Variants in WDFY3 observed in about 807,000 individuals in gnomAD.
WDFY3 encodes the protein WD repeat and FYVE domain-containing protein 3.
A neutral mutation model predicts 409.6 loss-of-function variants in WDFY3; 66 were observed. The observed-to-expected ratio is 0.16, with a 90% CI of 0.13 to 0.20. The LOEUF (loss-of-function observed/expected upper bound fraction) is 0.20. WDFY3 is among the 10% of genes least tolerant of loss of function. The pLI is 1.00. For missense variants in WDFY3, 3,031 were observed against 4,298.1 expected, an observed-to-expected ratio of 0.71 and a Z score of 8.24; for synonymous variants, 1,521 against 1,537.1, an observed-to-expected ratio of 0.99 and a Z score of 0.25.
rs1235134337 is a variant in WDFY3 at position 84,860,630 on chromosome 4, A to T, written c.-31-8T>A. 1 of 1,556,970 alleles carries T rather than the reference A, an allele frequency of 6.4e-7. No individual in the cohort carries two copies. The highest frequency in any genetic ancestry group is 1.4e-5 in the African/African-American group (1 of 73,834). On this transcript the variant is annotated splice_polypyrimidine_tract_variant and splice_region_variant and intron_variant, in intron 3 of 67. Transcript: ENST00000295888. ...TGAGACGCACTTCTAATTCTGTAGG[A>T]AAATGTCAATACATGAACAGTCAAA...
intron 42 of WDFY3, 115 bp downstream of exon 42, chr4:84,736,055 C>T: frequency 8.4e-7 from 1 of 1,189,884 alleles, no homozygotes; most frequent in Non-Finnish European, 1.1e-6. Context: ...TTACTTCTAT[C>T]TCTATTCTAA....
intron 51 of WDFY3, among the ~76,000 whole-genome samples, chr4:84,712,239 C>T (rs1416929102): frequency 1.3e-5 from 2 of 151,620 alleles, no homozygotes; most frequent in African/African-American, 4.8e-5. Context: ...CTTGAATCAG[C>T]CTCAGGCTGG....
chr4:84,732,687 T>C lies in WDFY3; in HGVS notation c.7221+695A>G, dbSNP rs553248764. On this transcript the variant is annotated intron_variant, in intron 44 of 67. Transcript: ENST00000295888. ...ATAATGTCCTCCAGGTTCTTATACG[T>C]TGTTACAAATGACAGGCTTTCCTTA... Among the ~76,000 whole-genome samples, 9 of 152,234 alleles carry C rather than the reference T, an allele frequency of 5.9e-5. No individual in the cohort carries two copies. The South Asian group carries it at 1.9e-3, about 32-fold the overall frequency.
rs1408455586 is a variant in WDFY3, at chr4:84,919,858, C to T, written c.-132+12412G>A. 5.3e-5 allele frequency among the ~76,000 whole-genome samples: 8 copies of T among 152,194 alleles called. 1 individual carries two copies. Among genetic ancestry groups the T allele is most frequent in the Admixed American group, 4.6e-4 (7 of 15,264 alleles). Reference sequence around the variant, plus strand: ...TGCAGCGTGAGAATGAACTAATACACATAGTAACTATATAGTGGAAAAATC... The same window carrying T: ...TGCAGCGTGAGAATGAACTAATACATATAGTAACTATATAGTGGAAAAATC... On this transcript the variant is annotated intron_variant, in intron 2 of 67. Transcript: ENST00000295888.
intron 65 of WDFY3, 65 bp from the exon 66 acceptor site, chr4:84,678,344 A>ACT: frequency 8.3e-7 from 1 of 1,211,680 alleles, no homozygotes; most frequent in Non-Finnish European, 1.2e-6. Context: ...GGGGAGAACT[A>ACT]CTCTAAGATG....
chr4:84,958,053 A>T (rs988793786), intron 1 of WDFY3, among the ~76,000 whole-genome samples: 1 of 152,226 alleles, frequency 6.6e-6, no homozygotes, highest in African/African-American at 2.4e-5. Flanking sequence ...TGGTGAAAGA[A>T]TGCATCTCTA....
intron 1 of WDFY3, among the ~76,000 whole-genome samples, chr4:84,934,055 G>T (rs2150980057): frequency 6.6e-6 from 1 of 152,148 alleles, no homozygotes; most frequent in South Asian, 2.1e-4. Context: ...GGGGCTGCTG[G>T]ATCACATGGC....
At chr4:84,890,993 T>A (rs1190350559) in intron 3 of WDFY3, among the ~76,000 whole-genome samples, 1 of 152,146 alleles carries the variant, frequency 6.6e-6, no homozygotes, top group African/African-American at 2.4e-5. Flanking sequence ...ACATTATTTT[T>A]CTTTTGATTT....
intron 21 of WDFY3, among the ~76,000 whole-genome samples, chr4:84,793,219 C>A (rs1271144203): frequency 1.3e-5 from 2 of 152,192 alleles, no homozygotes; most frequent in Admixed American, 6.5e-5. Flanking sequence ...CTCTCCTAGG[C>A]TGGAGTGCCA....
chr4:84,802,235 C>T (rs990949686), intron 16 of WDFY3, among the ~76,000 whole-genome samples: 22 of 151,802 alleles, frequency 1.4e-4, no homozygotes, highest in Non-Finnish European at 8.8e-5. Flanking sequence ...GCGTGAGCCA[C>T]CGCACCCGGC....
At chr4:84,699,011 A>G (rs1270564426) in intron 56 of WDFY3, among the ~76,000 whole-genome samples, 2 of 150,546 alleles carry the variant, frequency 1.3e-5, no homozygotes, top group African/African-American at 2.4e-5. Context: ...CTTTTACACC[A>G]TTTACTATTT....
At chr4:84,837,450 A>G (rs1206462323) in intron 6 of WDFY3, among the ~76,000 whole-genome samples, 1 of 152,194 alleles carries the variant, frequency 6.6e-6, no homozygotes, top group Non-Finnish European at 1.5e-5. Flanking sequence ...TCTTATAAAA[A>G]TAGATAGAAT....
rs543512573 is a variant in WDFY3 at position 84,761,711 on chromosome 4, C to T, written c.5188+4099G>A. Among the ~76,000 whole-genome samples, 15 of 152,236 alleles carry T rather than the reference C, an allele frequency of 9.9e-5. No individual in the cohort carries two copies. The South Asian group carries it at 2.9e-3, about 29-fold the overall frequency. ...TGGGAGAAAATTTTCACAACCTACT[C>T]ATCTGACTAAGGGCTAATATCCAGA... On this transcript the variant is annotated intron_variant, in intron 32 of 67. Transcript: ENST00000295888.
At chr4:84,853,898 T>C (rs1759390891) in intron 4 of WDFY3, among the ~76,000 whole-genome samples, 1 of 152,190 alleles carries the variant, frequency 6.6e-6, no homozygotes, top group African/African-American at 2.4e-5. Flanking sequence ...CTTCCTAGTA[T>C]ATGTGCCAGG....
At chr4:84,691,891 T>C (rs1049343203) in intron 59 of WDFY3, 106 bp from the exon 60 acceptor site, 2 of 1,110,764 alleles carry the variant, frequency 1.8e-6, no homozygotes, top group South Asian at 4.0e-5. Context: ...AGCATCCTGA[T>C]ACCTACGTTG....
At chr4:84,712,913 A>G (rs1733180053) in intron 51 of WDFY3, among the ~76,000 whole-genome samples, 1 of 152,248 alleles carries the variant, frequency 6.6e-6, no homozygotes, top group African/African-American at 2.4e-5. Flanking sequence ...TATAAACTCA[A>G]TCATGCACAC....
At chr4:84,756,450 T>A (rs540608697) in intron 33 of WDFY3, among the ~76,000 whole-genome samples, 1 of 151,940 alleles carries the variant, frequency 6.6e-6, no homozygotes, top group South Asian at 2.1e-4. Flanking sequence ...CCCAGCGGGG[T>A]AGCGCCTGAC....
At chr4:84,791,450 A>C (rs1748504127) in intron 21 of WDFY3, among the ~76,000 whole-genome samples, 1 of 152,194 alleles carries the variant, frequency 6.6e-6, no homozygotes, top group Non-Finnish European at 1.5e-5. Flanking sequence ...TCAGTGAGGC[A>C]AGAGGAAAAA....
At chr4:84,869,547 A>C (rs1761889112) in intron 3 of WDFY3, among the ~76,000 whole-genome samples, 1 of 152,240 alleles carries the variant, frequency 6.6e-6, no homozygotes, top group Non-Finnish European at 1.5e-5. Context: ...ATAAAAACTA[A>C]TAATTCCAAA....
Sources: allele counts gnomAD v4.1 joint callset (sites outside exome capture counted in the v4.1 genomes callset), GRCh38; gene constraint gnomAD v4.1.1; transcripts MANE v1.5; gene names NCBI Gene and HGNC (gene_info 2026-07-23, HGNC 2026-07-21).